Variants in TUSC3 observed in about 807,000 individuals in gnomAD.
TUSC3 encodes the protein dolichyl-diphosphooligosaccharide--protein glycosyltransferase subunit TUSC3.
TUSC3 carries 45 observed loss-of-function variants against 44.8 expected under a neutral mutation model. The observed-to-expected ratio is 1.00, with a 90% CI of 0.79 to 1.29. The LOEUF (loss-of-function observed/expected upper bound fraction) is 1.29, where lower values mean the gene tolerates loss of function less well. Ranked by LOEUF, TUSC3 falls within the 50% of genes most tolerant of loss-of-function variation. The pLI is 0.00. For missense variants in TUSC3, 519 were observed against 437.9 expected (o/e 1.19, Z -1.65); for synonymous variants, 212 against 152.9 (o/e 1.39, Z -2.85).
the TUSC3 span, among the ~76,000 whole-genome samples, chr8:15,785,033 A>G: frequency 6.6e-6 from 1 of 151,932 alleles, no homozygotes; most frequent in African/African-American, 2.4e-5. Context: ...ACACACAATT[A>G]TTTTTCAATT....
chr8:15,545,768 C>T (rs180918481), intron 1 of TUSC3, among the ~76,000 whole-genome samples: 1 of 151,824 alleles, frequency 6.6e-6, no homozygotes, highest in East Asian at 2.0e-4. Context: ...TAACCTTTTG[C>T]TGCATTTACT....
downstream of TUSC3, among the ~76,000 whole-genome samples, chr8:15,769,435 G>C (rs1434997891): frequency 6.6e-6 from 1 of 152,098 alleles, no homozygotes; most frequent in Non-Finnish European, 1.5e-5. Flanking sequence ...ACTCAAGATG[G>C]ATTAAAGACT....
chr8:15,660,194 A>C lies in TUSC3; in HGVS notation c.567+547A>C, dbSNP rs146148753. 7.4e-4 allele frequency among the ~76,000 whole-genome samples: 112 copies of C among 152,168 alleles called. 1 individual carries two copies. The highest frequency in any genetic ancestry group is 2.6e-3 in the African/African-American group (108 of 41,556). On this transcript the variant is annotated intron_variant, in intron 4 of 10. Transcript: ENST00000503731. The stretch of plus-strand genomic sequence containing the variant: ...AAATTTTTATCCATAGAAATTTTGA[A>C]AATAATATTCATTTTATTGGGAAAA...
chr8:15,845,018 T>A, the TUSC3 span, among the ~76,000 whole-genome samples: 2 of 151,974 alleles, frequency 1.3e-5, no homozygotes, highest in African/African-American at 4.8e-5. Context: ...GAACAGAAAA[T>A]GCAGTTAATC....
chr8:15,641,361 C>CAAAAAA (rs34446791), intron 2 of TUSC3, among the ~76,000 whole-genome samples: 3 of 99,442 alleles, frequency 3.0e-5, no homozygotes, highest in Non-Finnish European at 4.0e-5. Flanking sequence ...GACTCCGTCT[C>CAAAAAA]AAAAAAAAAA....
intron 1 of TUSC3, among the ~76,000 whole-genome samples, chr8:15,452,092 A>G (rs1244351676): frequency 2.0e-5 from 3 of 152,204 alleles, no homozygotes; most frequent in Non-Finnish European, 4.4e-5. Flanking sequence ...ATGTGACTCT[A>G]GCAACTGAAT....
chr8:15,504,619 ATATTT>A (rs1159810288), intron 2 of TUSC3, among the ~76,000 whole-genome samples: 3 of 16,386 alleles, frequency 1.8e-4, no homozygotes, highest in Non-Finnish European at 2.8e-4. Context: ...ATATATATAT[ATATTT>A]TTTTTTTTTT....
In TUSC3 at chr8:15,549,407, C is replaced by T. The variant is rs1021379540; in HGVS notation, c.138+8839C>T. On this transcript the variant is annotated intron_variant, in intron 1 of 10. Coordinates refer to ENST00000503731, the MANE Select transcript of TUSC3 (RefSeq NM_006765.4). ...CAGGCTGGTCTCAAACTCCTGACCT[C>T]GTGATCTGCCCGCCTCGGCCTCCCA... 5.3e-5 allele frequency among the ~76,000 whole-genome samples: 8 copies of T among 151,406 alleles called. 1 individual carries two copies. Among genetic ancestry groups the T allele is most frequent in the African/African-American group, 1.9e-4 (8 of 41,308 alleles).
intron 1 of TUSC3, among the ~76,000 whole-genome samples, chr8:15,468,174 C>A (rs571841067): frequency 6.6e-6 from 1 of 152,042 alleles, no homozygotes; most frequent in African/African-American, 2.4e-5. Context: ...CTGAGAGAAA[C>A]GGAATTTCGT....
chr8:15,762,476 T>C (rs1207979373), intron 10 of TUSC3, among the ~76,000 whole-genome samples: 1 of 152,122 alleles, frequency 6.6e-6, no homozygotes, highest in Admixed American at 6.6e-5. Flanking sequence ...TACCTAAGTA[T>C]CATAAAACTG....
chr8:15,547,671 G>C (rs1801920404), intron 1 of TUSC3, among the ~76,000 whole-genome samples: 1 of 148,066 alleles, frequency 6.8e-6, no homozygotes, highest in Non-Finnish European at 1.5e-5. Context: ...ATTAGGAGGT[G>C]GGGCCTTTGG....
chr8:15,446,036 C>CCTCACTT (rs1472880030), intron 1 of TUSC3, among the ~76,000 whole-genome samples: 1 of 151,736 alleles, frequency 6.6e-6, no homozygotes, highest in Non-Finnish European at 1.5e-5. Flanking sequence ...CGGAGGGGCT[C>CCTCACTT]CTCACTTCTC....
intron 1 of TUSC3, among the ~76,000 whole-genome samples, chr8:15,556,616 A>G (rs1482215513): frequency 7.2e-4 from 105 of 146,494 alleles, no homozygotes; most frequent in African/African-American, 2.5e-3. Context: ...TTACAGTCCC[A>G]CCAACAGTGT....
chr8:15,773,500 A>G, the TUSC3 span, among the ~76,000 whole-genome samples: 2 of 152,192 alleles, frequency 1.3e-5, no homozygotes, highest in East Asian at 1.9e-4. Flanking sequence ...AAAACATAAT[A>G]CTGTTAAGAT....
chr8:15,468,507 G>A (rs963633644), intron 1 of TUSC3, among the ~76,000 whole-genome samples: 1 of 152,040 alleles, frequency 6.6e-6, no homozygotes. Context: ...TTAGATGTCT[G>A]TTTCCCTCTT....
chr8:15,503,045 T>C (rs948086903), intron 2 of TUSC3, among the ~76,000 whole-genome samples: 1 of 152,190 alleles, frequency 6.6e-6, no homozygotes, highest in Admixed American at 6.5e-5. Flanking sequence ...TGAAACCAGT[T>C]ACGGGTTTAT....
At chr8:15,769,246 G>GGAACA (rs1290675527), downstream of TUSC3, among the ~76,000 whole-genome samples, 1 of 151,894 alleles carries the variant, frequency 6.6e-6, no homozygotes, top group Non-Finnish European at 1.5e-5. Flanking sequence ...CCAATGGAAC[G>GGAACA]GAACAGAACA....
chr8:15,477,706 G>C (rs930889990), intron 1 of TUSC3, among the ~76,000 whole-genome samples: 3 of 152,134 alleles, frequency 2.0e-5, no homozygotes, highest in Non-Finnish European at 4.4e-5. Flanking sequence ...GGGCAACAGA[G>C]TGAGACTCTG....
the TUSC3 span, among the ~76,000 whole-genome samples, chr8:15,817,123 ACTC>A: frequency 6.6e-6 from 1 of 152,088 alleles, no homozygotes; most frequent in African/African-American, 2.4e-5. Flanking sequence ...ACTGCAGACT[ACTC>A]CTATTAATGA....
Sources: allele counts gnomAD v4.1 joint callset (sites outside exome capture counted in the v4.1 genomes callset), GRCh38; gene constraint gnomAD v4.1.1; transcripts MANE v1.5; gene names NCBI Gene and HGNC (gene_info 2026-07-23, HGNC 2026-07-21).